The following RALYL variants were observed in gnomAD, a reference collection of about 807,000 sequenced individuals.
RALYL encodes the protein RNA-binding Raly-like protein.
Under a neutral mutation model 35.1 loss-of-function variants are expected in RALYL, and 29 were observed. The observed-to-expected ratio is 0.83, with a 90% CI of 0.61 to 1.13. The LOEUF (loss-of-function observed/expected upper bound fraction) is 1.13. Among genes scored for constraint, RALYL ranks in the 50% most tolerant of loss-of-function variants. RALYL has a pLI of 0.00. For missense variants in RALYL, 359 were observed against 360.4 expected, an observed-to-expected ratio of 1.00 and a Z score of 0.03; for synonymous variants, 120 against 127.6, an observed-to-expected ratio of 0.94 and a Z score of 0.40.
At chr8:84,687,235 T>C (rs1410329027) in intron 2 of RALYL, among the ~76,000 whole-genome samples, 1 of 152,150 alleles carries the variant, frequency 6.6e-6, no homozygotes, top group East Asian at 1.9e-4. Context: ...ATTAAATCAA[T>C]TAATAGTCAC....
At chr8:84,747,422 T>G (rs1240483817) in intron 2 of RALYL, among the ~76,000 whole-genome samples, 1 of 151,932 alleles carries the variant, frequency 6.6e-6, no homozygotes. Flanking sequence ...TTGACTAACG[T>G]TCAAATTAAT....
At chr8:84,727,134 A>C (rs1239349751) in intron 2 of RALYL, among the ~76,000 whole-genome samples, 1 of 152,084 alleles carries the variant, frequency 6.6e-6, no homozygotes, top group African/African-American at 2.4e-5. Flanking sequence ...GTTATGAGAC[A>C]TTATAATAAA....
chr8:84,769,248 G>A (rs1280922350), intron 2 of RALYL, among the ~76,000 whole-genome samples: 2 of 151,976 alleles, frequency 1.3e-5, no homozygotes, highest in African/African-American at 2.4e-5. Flanking sequence ...CGATCTGGCT[G>A]TGCCTTATTC....
intron 2 of RALYL, among the ~76,000 whole-genome samples, chr8:84,731,834 T>C (rs1162813493): frequency 1.3e-5 from 2 of 152,182 alleles, no homozygotes; most frequent in African/African-American, 2.4e-5. Flanking sequence ...AGATATTTCA[T>C]AGGCAGCAGT....
intron 1 of RALYL, among the ~76,000 whole-genome samples, chr8:84,295,502 G>A (rs1401197740): frequency 6.6e-6 from 1 of 152,044 alleles, no homozygotes; most frequent in African/African-American, 2.4e-5. Context: ...GTCTTGCTAT[G>A]TTGCCCAGGC....
intron 4 of RALYL, among the ~76,000 whole-genome samples, chr8:84,812,197 G>A (rs1376295187): frequency 6.6e-6 from 1 of 152,076 alleles, no homozygotes; most frequent in South Asian, 2.1e-4. Flanking sequence ...GAGTTCTCTT[G>A]ATGTAGTACT....
At chr8:84,863,155 A>G (rs1838465145) in intron 6 of RALYL, among the ~76,000 whole-genome samples, 1 of 152,220 alleles carries the variant, frequency 6.6e-6, no homozygotes, top group Admixed American at 6.5e-5. Context: ...CAGAAAACAA[A>G]CAGATAATAA....
intron 1 of RALYL, among the ~76,000 whole-genome samples, chr8:84,310,453 T>C (rs868851931): frequency 1.4e-5 from 2 of 144,088 alleles, no homozygotes. Flanking sequence ...AAATAAAAGA[T>C]GAAAAAGCAA....
chr8:84,601,731 A>AAG (rs1816014172), intron 2 of RALYL, among the ~76,000 whole-genome samples: 3 of 152,094 alleles, frequency 2.0e-5, no homozygotes, highest in African/African-American at 7.2e-5. Context: ...AGAAAAAAAA[A>AAG]CTAAAGCCCT....
intron 3 of RALYL, among the ~76,000 whole-genome samples, chr8:84,784,004 T>C (rs948537595): frequency 2.6e-5 from 4 of 152,212 alleles, no homozygotes; most frequent in Admixed American, 2.0e-4. Flanking sequence ...TTTAGGTTTT[T>C]AGGGTTTTGT....
intron 2 of RALYL, among the ~76,000 whole-genome samples, chr8:84,535,344 G>T (rs1265287651): frequency 6.6e-6 from 1 of 151,804 alleles, no homozygotes; most frequent in Non-Finnish European, 1.5e-5. Flanking sequence ...CATCCAAACA[G>T]TAATACTTTT....
intron 6 of RALYL, among the ~76,000 whole-genome samples, chr8:84,868,208 C>T (rs1268893961): frequency 2.0e-5 from 3 of 152,074 alleles, no homozygotes; most frequent in African/African-American, 7.2e-5. Flanking sequence ...TTAAAGAACA[C>T]TTAAAAAATT....
chr8:84,257,700 T>C (rs1180114031), intron 1 of RALYL, among the ~76,000 whole-genome samples: 3 of 152,238 alleles, frequency 2.0e-5, no homozygotes, highest in South Asian at 2.1e-4. Flanking sequence ...CTTGTCATAC[T>C]CAAAGCATCT....
At chr8:84,702,269 G>A (rs1329255079) in intron 2 of RALYL, among the ~76,000 whole-genome samples, 6 of 152,028 alleles carry the variant, frequency 3.9e-5, no homozygotes, top group Non-Finnish European at 5.9e-5. Context: ...ACACCATAGA[G>A]CCCTTTTAGG....
intron 8 of RALYL, among the ~76,000 whole-genome samples, chr8:84,910,498 C>G (rs747223204): frequency 6.6e-6 from 1 of 151,944 alleles, no homozygotes; most frequent in Admixed American, 6.6e-5. Flanking sequence ...CTAAATGAGA[C>G]AGCTTTCAAA....
intron 2 of RALYL, among the ~76,000 whole-genome samples, chr8:84,611,110 A>C (rs1490045272): frequency 6.6e-6 from 1 of 152,104 alleles, no homozygotes; most frequent in African/African-American, 2.4e-5. Flanking sequence ...GTCCACATTC[A>C]TGGTGTTATT....
chr8:84,597,974 T>C (rs1432053034), intron 2 of RALYL, among the ~76,000 whole-genome samples: 4 of 152,152 alleles, frequency 2.6e-5, no homozygotes, highest in Admixed American at 6.6e-5. Flanking sequence ...ATTTTACTGA[T>C]ATTCTGTCAC....
chr8:84,757,718 G>T (rs997350236), intron 2 of RALYL, among the ~76,000 whole-genome samples: 1 of 152,078 alleles, frequency 6.6e-6, no homozygotes, highest in Non-Finnish European at 1.5e-5. Context: ...AACTCAGAAA[G>T]GAGGTAAAAG....
At chr8:84,713,301 CAT>C (rs1258408637) in intron 2 of RALYL, among the ~76,000 whole-genome samples, 1 of 152,012 alleles carries the variant, frequency 6.6e-6, no homozygotes, top group Non-Finnish European at 1.5e-5. Context: ...TTCTGATTAA[CAT>C]ATTTTCAATA....
Sources: allele counts gnomAD v4.1 joint callset (sites outside exome capture counted in the v4.1 genomes callset), GRCh38; gene constraint gnomAD v4.1.1; transcripts MANE v1.5; gene names NCBI Gene and HGNC (gene_info 2026-07-23, HGNC 2026-07-21).